The following SLC25A10 variants were observed in gnomAD, a reference collection of about 807,000 sequenced individuals.
SLC25A10 encodes mitochondrial dicarboxylate carrier.
A neutral mutation model predicts 40.4 loss-of-function variants in SLC25A10; 32 were observed. That is an observed-to-expected ratio of 0.79 (90% confidence interval 0.60 to 1.06). The LOEUF (loss-of-function observed/expected upper bound fraction) is 1.06, where lower values mean the gene tolerates loss of function less well. SLC25A10 is among the 50% of genes least tolerant of loss of function. The pLI, the probability that SLC25A10 is intolerant of heterozygous loss-of-function variation, is 0.00. For missense variants in SLC25A10, 394 were observed against 402.6 expected (o/e 0.98, Z 0.18); for synonymous variants, 181 against 171.1 (o/e 1.06, Z -0.45).
intron 1 of SLC25A10, among the ~76,000 whole-genome samples, chr17:81,713,770 G>T (rs1344071378): frequency 6.6e-6 from 1 of 152,210 alleles, no homozygotes; most frequent in Non-Finnish European, 1.5e-5. Context: ...GCTGTCCCTT[G>T]TCCGGGGTCT....
Position 81,720,257 on chromosome 17 carries a change from A to G in SLC25A10, c.*180A>G, listed in dbSNP as rs766507591. The G allele has an allele frequency of 6.9e-7, 1 of 1,443,632 alleles. No individual in the cohort carries two copies. The highest frequency in any genetic ancestry group is 9.0e-7 in the Non-Finnish European group (1 of 1,105,096). The allele number at this position is 1,443,632 out of a possible 1,614,324, so 89.4% of individuals were successfully genotyped here. A position where few individuals can be genotyped will look rare whatever the true frequency, so the allele number is the denominator to read the frequency against. ...GCTCCTCCTGGCCTCGTCCCCTCTC[A>G]GCTGTAGCTGCACCACCCCCGCTCT... On this transcript the variant is annotated 3_prime_UTR_variant, in exon 11 of 11. Coordinates refer to ENST00000350690, the MANE Select transcript of SLC25A10 (RefSeq NM_012140.5).
chr17:81,715,434 T>A, intron 2 of SLC25A10, 44 bp from the exon 3 acceptor site: 1 of 1,520,650 alleles, frequency 6.6e-7, no homozygotes, highest in Non-Finnish European at 9.1e-7. Flanking sequence ...GGCTGAGGGG[T>A]GTGGGGCGTG....
chr17:81,720,297 C>T lies in SLC25A10; in HGVS notation c.*220C>T, dbSNP rs567450403. On this transcript the variant is annotated 3_prime_UTR_variant, in exon 11 of 11. Coordinates refer to ENST00000350690, the MANE Select transcript of SLC25A10 (RefSeq NM_012140.5). ...ACCCCCGCTCTGGCTACCAGGCTCTCCCGGCTGGGCACTGCGTGGCCTTGC... is the reference window on the plus strand; with the variant it reads ...ACCCCCGCTCTGGCTACCAGGCTCTTCCGGCTGGGCACTGCGTGGCCTTGC... The T allele has an allele frequency of 1.1e-5, 16 of 1,435,566 alleles. No individual in the cohort carries two copies. The African/African-American group carries it at 1.7e-4, about 15-fold the overall frequency. 88.9% of individuals were successfully genotyped at this position (1,435,566 alleles called of 1,614,324 possible). A position where few individuals can be genotyped will look rare whatever the true frequency, so the allele number is the denominator to read the frequency against.
chr17:81,718,628 C>T (rs1033062296), intron 9 of SLC25A10, among the ~76,000 whole-genome samples: 2 of 151,908 alleles, frequency 1.3e-5, no homozygotes, highest in African/African-American at 4.8e-5. Context: ...GCATTCCAGC[C>T]TGGGTGACAG....
chr17:81,712,385 G>C lies in SLC25A10; in HGVS notation c.-42G>C. The C allele has an allele frequency of 3.3e-6, 4 of 1,199,170 alleles. No homozygotes were observed. The highest frequency in any genetic ancestry group is 4.2e-6 in the Non-Finnish European group (4 of 953,616). 74.3% of individuals were successfully genotyped at this position (1,199,170 alleles called of 1,614,324 possible). A position where few individuals can be genotyped will look rare whatever the true frequency, so the allele number is the denominator to read the frequency against. On this transcript the variant is annotated 5_prime_UTR_variant, in exon 1 of 11. Coordinates refer to ENST00000350690, the MANE Select transcript of SLC25A10 (RefSeq NM_012140.5). ...GCCGGTACACGCCGGGGTAGGGCCG[G>C]GGTCGGGTTGTGGTCGGGCCGGGAT... is the stretch of plus-strand genomic sequence containing the variant.
rs2037573840 is a variant in SLC25A10, at chr17:81,720,633, A to G, written c.*556A>G. 6 of 827,410 alleles carry G rather than the reference A, an allele frequency of 7.3e-6. No homozygotes were observed. Among genetic ancestry groups the G allele is most frequent in the South Asian group, 1.2e-4 (2 of 16,444 alleles). 51.3% of individuals were successfully genotyped at this position (827,410 alleles called of 1,614,324 possible). A position where few individuals can be genotyped will look rare whatever the true frequency, so the allele number is the denominator to read the frequency against. On this transcript the variant is annotated 3_prime_UTR_variant, in exon 11 of 11. Coordinates refer to ENST00000350690, the MANE Select transcript of SLC25A10 (RefSeq NM_012140.5). ...GAACAAGCAACGCAGACCACAAGCG[A>G]GTGCCTGGGAGGGAGTGGCCCAGGG...
At chr17:81,716,098 G>C in intron 5 of SLC25A10, 48 bp downstream of exon 5, 1 of 1,556,996 alleles carries the variant, frequency 6.4e-7, no homozygotes, top group Non-Finnish European at 8.7e-7. Flanking sequence ...CAGGAGGCTC[G>C]GGCGGGAGCG....
chr17:81,715,913 G>A (rs56713834), intron 4 of SLC25A10, 96 bp from the exon 5 acceptor site: 92,683 of 1,456,390 alleles, frequency 0.064, 4,021 homozygotes, highest in East Asian at 0.26. Flanking sequence ...GCCCTGTCCT[G>A]TGGGCCCCGC....
Position 81,719,865 on chromosome 17 carries a change from TCGGGC to T in SLC25A10, c.742_746del (p.Gly248SerfsTer186). ...CACTGCGCCGTGGAGACAGCGAAGCTCGGGCCTCTGGCCTTTTACAAGGTGCAGTG... is the reference window on the plus strand; with the variant it reads ...CACTGCGCCGTGGAGACAGCGAAGCTCTCTGGCCTTTTACAAGGTGCAGTG... On this transcript the variant is annotated frameshift_variant, in exon 10 of 11. Coordinates refer to ENST00000350690, the MANE Select transcript of SLC25A10 (RefSeq NM_012140.5). LOFTEE classifies it high-confidence loss of function. The T allele has an allele frequency of 6.2e-7, 1 of 1,613,712 alleles. No homozygotes were observed. The highest frequency in any genetic ancestry group is 8.5e-7 in the Non-Finnish European group (1 of 1,179,984).
Position 81,717,510 on chromosome 17 carries a change from T to G in SLC25A10, c.627+19T>G. ...TATTGCAGTAAGTGGCCGGCATGGC[T>G]AGGGTGGGCGTCCCTGGGCCGGCCT... On this transcript the variant is annotated intron_variant, in intron 8 of 10. Coordinates refer to ENST00000350690, the MANE Select transcript of SLC25A10 (RefSeq NM_012140.5). 3.1e-6 allele frequency: 5 copies of G among 1,612,672 alleles called. No homozygotes were observed. The highest frequency in any genetic ancestry group is 8.5e-7 in the Non-Finnish European group (1 of 1,179,252).
chr17:81,714,387 C>T (rs1251204130), intron 1 of SLC25A10, among the ~76,000 whole-genome samples: 1 of 152,218 alleles, frequency 6.6e-6, no homozygotes, highest in East Asian at 1.9e-4. Context: ...CTGCCCACAG[C>T]TCCTAGGTGC....
At chr17:81,718,353 C>T (rs925325894) in intron 9 of SLC25A10, among the ~76,000 whole-genome samples, 14 of 152,106 alleles carry the variant, frequency 9.2e-5, no homozygotes, top group African/African-American at 3.4e-4. Flanking sequence ...GGTGTGGTGG[C>T]GTGCGCCTGT....
At position 81,720,342 on chromosome 17, in the gene SLC25A10, C is replaced by G. The variant is rs957157381; in HGVS notation, c.*265C>G. The G allele has an allele frequency of 2.9e-5, 42 of 1,424,510 alleles. No individual in the cohort carries two copies. Among genetic ancestry groups the G allele is most frequent in the Non-Finnish European group, 3.2e-5 (35 of 1,094,894 alleles). 88.2% of individuals were successfully genotyped at this position (1,424,510 alleles called of 1,614,324 possible). On this transcript the variant is annotated 3_prime_UTR_variant, in exon 11 of 11. Coordinates refer to ENST00000350690, the MANE Select transcript of SLC25A10 (RefSeq NM_012140.5). ...CCTTGCCCCTCTCCCGCTGGCAGCT[C>G]CTCAGGGGAACAGGGGCTACCAGAG... is the stretch of plus-strand genomic sequence containing the variant.
intron 1 of SLC25A10, among the ~76,000 whole-genome samples, chr17:81,714,468 C>A (rs1427475707): frequency 1.3e-5 from 2 of 152,248 alleles, no homozygotes; most frequent in Non-Finnish European, 2.9e-5. Context: ...GCTCCTGCTG[C>A]CTTTCAAGGC....
intron 1 of SLC25A10, 66 bp from the exon 2 acceptor site, chr17:81,714,887 C>T (rs768566123): frequency 1.9e-6 from 3 of 1,579,464 alleles, no homozygotes; most frequent in Admixed American, 3.4e-5. Flanking sequence ...GTTTCCCCCT[C>T]TCTGGATGAA....
intron 1 of SLC25A10, among the ~76,000 whole-genome samples, chr17:81,712,910 T>G (rs2037411832): frequency 6.6e-6 from 1 of 152,200 alleles, no homozygotes; most frequent in African/African-American, 2.4e-5. Context: ...TTCTGTGAGG[T>G]GCACAGGTGT....
intron 9 of SLC25A10, among the ~76,000 whole-genome samples, chr17:81,718,914 A>C (rs111499289): frequency 0.034 from 5,237 of 151,920 alleles, 326 homozygotes; most frequent in African/African-American, 0.12. Context: ...GCACCACTGC[A>C]CTCCAGCCTG....
intron 2 of SLC25A10, 145 bp downstream of exon 2, chr17:81,715,217 A>C: frequency 7.8e-7 from 1 of 1,276,116 alleles, no homozygotes; most frequent in Non-Finnish European, 1.1e-6. Flanking sequence ...TGCGCCTCCC[A>C]TGGGCACCCA....
In SLC25A10 at chr17:81,720,160, G is replaced by T; in HGVS notation, c.*83G>T. ...CCCAAGCCCAGCACCTGCTCCTGGG[G>T]CCACGACCTCCCTGGCCGTGGCCAC... On this transcript the variant is annotated 3_prime_UTR_variant, in exon 11 of 11. Coordinates refer to ENST00000350690, the MANE Select transcript of SLC25A10 (RefSeq NM_012140.5). The T allele has an allele frequency of 6.4e-7, 1 of 1,573,704 alleles. No homozygotes were observed. The highest frequency in any genetic ancestry group is 1.3e-5 in the African/African-American group (1 of 74,188).
Sources: allele counts gnomAD v4.1 joint callset (sites outside exome capture counted in the v4.1 genomes callset), GRCh38; gene constraint gnomAD v4.1.1; transcripts MANE v1.5; gene names NCBI Gene and HGNC (gene_info 2026-07-23, HGNC 2026-07-21).